FAM171B: variants seen among roughly 807,000 people sequenced by gnomAD.
The protein encoded by FAM171B is protein FAM171B.
In FAM171B, 19 loss-of-function variants were observed where a neutral mutation model predicts 75.6. That is an observed-to-expected ratio of 0.25 (90% CI 0.18 to 0.37). The LOEUF (loss-of-function observed/expected upper bound fraction) is 0.37, where lower values mean the gene tolerates loss of function less well. Among genes scored for constraint, FAM171B ranks in the 10% least tolerant of loss-of-function variants. The pLI is 1.00. For missense variants in FAM171B, 848 were observed against 982.4 expected, an observed-to-expected ratio of 0.86 and a Z score of 1.83; for synonymous variants, 367 against 361.7, an observed-to-expected ratio of 1.01 and a Z score of -0.17.
intron 1 of FAM171B, among the ~76,000 whole-genome samples, chr2:186,732,169 C>CCT (rs386392078): frequency 0.042 from 86 of 2,026 alleles, no homozygotes; most frequent in African/African-American, 0.074. Context: ...ACTATTATAA[C>CCT]TTTTTTTTGT....
intron 4 of FAM171B, among the ~76,000 whole-genome samples, chr2:186,750,105 G>T (rs1273080057): frequency 6.6e-6 from 1 of 151,974 alleles, no homozygotes; most frequent in Non-Finnish European, 1.5e-5. Flanking sequence ...TTCTAGTTTT[G>T]AAGCCAAAGA....
chr2:186,738,801 T>C (rs544408090), intron 1 of FAM171B, among the ~76,000 whole-genome samples: 1 of 152,322 alleles, frequency 6.6e-6, no homozygotes, highest in South Asian at 2.1e-4. Context: ...CCTTTCTTCT[T>C]TTTTAATTGA....
chr2:186,762,501 T>C lies in FAM171B; in HGVS notation c.2159T>C (p.Leu720Pro). 6.2e-7 allele frequency: 1 copy of C among 1,613,398 alleles called. No homozygotes were observed. The highest frequency in any genetic ancestry group is 8.5e-7 in the Non-Finnish European group (1 of 1,179,702). ...AATGAGCTTCACTCAAGTAGAAAGC[T>C]CGAGAGGGAGAAAACATTCATCAAA... is the stretch of plus-strand genomic sequence containing the variant. ...DMNELHSSRK[L>P]EREKTFIKSM... Residue 720 changes from leucine (L) to proline (P), a missense_variant, in exon 8 of 8, where the codon CTC (leucine) becomes CCC (proline). By Grantham distance (98) the Leu-to-Pro change is moderately conservative (BLOSUM62 -3). Transcript: ENST00000304698. This position sits in a 1 kb window ranked among gnomAD's most constrained non-coding sequence, Gnocchi z 4.0.
chr2:186,698,416 C>T (rs1483017015), intron 1 of FAM171B, among the ~76,000 whole-genome samples: 2 of 152,088 alleles, frequency 1.3e-5, no homozygotes, highest in African/African-American at 4.8e-5. Context: ...GTAATAAAAG[C>T]CTATACCTGT....
At chr2:186,705,409 C>T (rs1051490095) in intron 1 of FAM171B, among the ~76,000 whole-genome samples, 1 of 152,060 alleles carries the variant, frequency 6.6e-6, no homozygotes, top group African/African-American at 2.4e-5. Flanking sequence ...TGTCTGAGTC[C>T]TGCCTCCTAC....
chr2:186,758,634 A>G (rs966386317), intron 6 of FAM171B, among the ~76,000 whole-genome samples: 1 of 152,136 alleles, frequency 6.6e-6, no homozygotes, highest in Non-Finnish European at 1.5e-5. Context: ...AGATTACCTC[A>G]AGATTAGCTG....
Position 186,740,608 on chromosome 2 carries a change from A to G in FAM171B, c.472+147A>G, listed in dbSNP as rs1228382045. 3 of 671,450 alleles carry G rather than the reference A, an allele frequency of 4.5e-6. 1 individual carries two copies. The highest frequency in any genetic ancestry group is 7.5e-6 in the Non-Finnish European group (3 of 399,976). The allele number at this position is 671,450 out of a possible 1,614,324, so 41.6% of individuals were successfully genotyped here. A position where few individuals can be genotyped will look rare whatever the true frequency, so the allele number is the denominator to read the frequency against. ...AGGTTACAAGGGAGTGCTACTTTGA[A>G]GAAAACATTGTCTTAGTCTTTTCAG... On this transcript the variant is annotated intron_variant, in intron 2 of 7. Coordinates refer to ENST00000304698, the MANE Select transcript of FAM171B (RefSeq NM_177454.4).
At chr2:186,722,452 C>G (rs561963841) in intron 1 of FAM171B, among the ~76,000 whole-genome samples, 15 of 152,226 alleles carry the variant, frequency 9.9e-5, no homozygotes, top group African/African-American at 2.6e-4. Context: ...TAACTAGATT[C>G]AAGGCACTGT....
In FAM171B at chr2:186,762,291, T is replaced by G. The variant is rs781239262; in HGVS notation, c.1949T>G (p.Leu650Arg). Residue 650 changes from leucine to arginine, a missense_variant, in exon 8 of 8, where the codon CTT becomes CGT. Physicochemically the swap from Leu to Arg is moderately radical, Grantham distance 102. Coordinates refer to ENST00000304698, the MANE Select transcript of FAM171B (RefSeq NM_177454.4). This position sits in a 1 kb window ranked among gnomAD's most constrained non-coding sequence, Gnocchi z 4.0. ...AVVMTPFSSE[L>R]QGISEQTLLE... ...GTAATGACTCCATTTTCATCGGAAC[T>G]TCAAGGAATTTCAGAACAGACCCTC... 1 of 1,613,700 alleles carries G rather than the reference T, an allele frequency of 6.2e-7. No homozygotes were observed. Among genetic ancestry groups the G allele is most frequent in the African/African-American group, 1.3e-5 (1 of 74,976 alleles).
intron 2 of FAM171B, among the ~76,000 whole-genome samples, chr2:186,741,872 A>G (rs1290941452): frequency 6.6e-6 from 1 of 152,196 alleles, no homozygotes; most frequent in Non-Finnish European, 1.5e-5. Flanking sequence ...TTCATGCACC[A>G]GGAAGCTGAT....
At chr2:186,748,166 G>A (rs1367431801) in intron 4 of FAM171B, among the ~76,000 whole-genome samples, 10 of 147,200 alleles carry the variant, frequency 6.8e-5, no homozygotes, top group African/African-American at 2.0e-4. Flanking sequence ...TCAACAATCC[G>A]CCCACCTCAG....
rs1213520933 is a variant in FAM171B, at chr2:186,762,886, G to A, written c.*63G>A. ...TTATTCTTGCTTCTTGTTGTAAATT[G>A]CAGTACGAACTTAAGAAAATGAGAC... is the stretch of plus-strand genomic sequence containing the variant. On this transcript the variant is annotated 3_prime_UTR_variant, in exon 8 of 8. Coordinates refer to ENST00000304698, the MANE Select transcript of FAM171B (RefSeq NM_177454.4). The surrounding 1 kb of genome is among the most constrained non-coding windows in gnomAD (Gnocchi z 4.0). 1.3e-6 allele frequency: 2 copies of A among 1,541,058 alleles called. No individual in the cohort carries two copies. The highest frequency in any genetic ancestry group is 1.7e-6 in the Non-Finnish European group (2 of 1,145,300).
chr2:186,704,066 C>T (rs569029210), intron 1 of FAM171B, among the ~76,000 whole-genome samples: 11 of 152,208 alleles, frequency 7.2e-5, no homozygotes, highest in Non-Finnish European at 1.0e-4. Context: ...TGAACTGGTA[C>T]TTTCAAAGTA....
rs1690616912 is a variant in FAM171B, at chr2:186,761,616, C to T, written c.1274C>T (p.Ser425Leu). Residue 425 changes from serine to leucine, a missense_variant, in exon 8 of 8, where the codon TCG becomes TTG. Around this residue, in one of 3 missense-constraint regions of FAM171B, gnomAD observed 665 missense variants for 729.0 expected, o/e 0.91. Transcript: ENST00000304698. Reference sequence around the variant, plus strand: ...GTTGCATTAAAAGCTGAGGACAAGTCGCAGTTATTCAATGCCAAAAACTCC... The same window carrying T: ...GTTGCATTAAAAGCTGAGGACAAGTTGCAGTTATTCAATGCCAAAAACTCC... ...VKVALKAEDK[S>L]QLFNAKNSSY... 11 of 1,613,180 alleles carry T rather than the reference C, an allele frequency of 6.8e-6. No individual in the cohort carries two copies. In the South Asian group the frequency reaches 7.7e-5, roughly 11 times the overall value.
intron 4 of FAM171B, 45 bp from the exon 5 acceptor site, chr2:186,751,086 TACC>T (rs1202757455): frequency 1.1e-5 from 15 of 1,423,308 alleles, no homozygotes; most frequent in Non-Finnish European, 1.4e-5. Flanking sequence ...ATTAGGTAAC[TACC>T]ACCTCTGTTT....
chr2:186,721,104 C>A (rs1161914069), intron 1 of FAM171B, among the ~76,000 whole-genome samples: 1 of 152,156 alleles, frequency 6.6e-6, no homozygotes, highest in African/African-American at 2.4e-5. Flanking sequence ...ATATCCCTAT[C>A]CCTTCAGGAT....
chr2:186,739,795 G>C (rs1690260797), intron 1 of FAM171B, among the ~76,000 whole-genome samples: 1 of 152,146 alleles, frequency 6.6e-6, no homozygotes, highest in African/African-American at 2.4e-5. Flanking sequence ...TCATAAACCA[G>C]TAACGTAATC....
chr2:186,759,207 C>G (rs1240818627), intron 6 of FAM171B, among the ~76,000 whole-genome samples: 1 of 152,116 alleles, frequency 6.6e-6, no homozygotes, highest in Non-Finnish European at 1.5e-5. Context: ...TGTTGATAGA[C>G]ACTTAGATCA....
chr2:186,751,348 G>T (rs1690450379), intron 5 of FAM171B, 44 bp downstream of exon 5: 1 of 1,433,876 alleles, frequency 7.0e-7, no homozygotes, highest in Non-Finnish European at 9.3e-7. Context: ...TTACATATTT[G>T]TCAATTGACT....
Sources: gnomAD v4.1 joint callset for allele counts (sites outside exome capture counted in the v4.1 genomes callset) on GRCh38, gnomAD v4.1.1 for gene constraint, gnomAD v4.1.1 regional missense constraint, Gnocchi (gnomAD v3.1) non-coding constraint, MANE v1.5 for transcripts, NCBI Gene and HGNC (gene_info 2026-07-23, HGNC 2026-07-21) for gene names.